Variants in RAPGEF6 observed in about 807,000 individuals in gnomAD.
RAPGEF6 encodes the protein Rap guanine nucleotide exchange factor 6.
Under a neutral mutation model 171.4 loss-of-function variants are expected in RAPGEF6, and 56 were observed. The ratio of observed to expected loss-of-function variants is 0.33; its 90% CI spans 0.26 to 0.41. The LOEUF is 0.41. Among genes scored for constraint, RAPGEF6 ranks in the 10% least tolerant of loss-of-function variants. The pLI, the probability that RAPGEF6 is intolerant of heterozygous loss-of-function variation, is 1.00. For missense variants in RAPGEF6, 1,674 were observed against 1,921.4 expected (o/e 0.87, Z 2.41); for synonymous variants, 692 against 650.1 (o/e 1.06, Z -0.98).
chr5:131,467,477 AT>A (rs997275395), intron 17 of RAPGEF6, among the ~76,000 whole-genome samples: 28 of 152,346 alleles, frequency 1.8e-4, no homozygotes, highest in Non-Finnish European at 3.7e-4. Context: ...GTAAACCTCT[AT>A]TTTAGAATTA....
chr5:131,594,964 G>T (rs929762383), intron 3 of RAPGEF6, among the ~76,000 whole-genome samples: 1 of 152,188 alleles, frequency 6.6e-6, no homozygotes, highest in African/African-American at 2.4e-5. Context: ...CCATGTCTCA[G>T]ATGAGACTTT....
chr5:131,493,097 C>A (rs1201472745), intron 13 of RAPGEF6, among the ~76,000 whole-genome samples: 1 of 152,120 alleles, frequency 6.6e-6, no homozygotes, highest in Non-Finnish European at 1.5e-5. Context: ...CGGAGCCTCG[C>A]TCTGTCGCCC....
At chr5:131,614,213 C>T (rs891842435) in intron 1 of RAPGEF6, among the ~76,000 whole-genome samples, 2 of 125,650 alleles carry the variant, frequency 1.6e-5, no homozygotes, top group African/African-American at 3.1e-5. Context: ...ACCTGAGGGG[C>T]GGAGGTTGCA....
rs150067662 is a variant in RAPGEF6 at position 131,446,664 on chromosome 5, A to G, written c.3240T>C (p.Asp1080=). 1.1e-3 allele frequency: 1,719 copies of G among 1,614,212 alleles called. 1 individual carries two copies. Among genetic ancestry groups the G allele is most frequent in the Non-Finnish European group, 1.4e-3 (1,626 of 1,180,000 alleles). ...SQGSTNSNML[D]VQGGAHKKRA... ...TTTTTTTGTGAGCACCTCCCTGAAC[A>G]TCCAGCATGTTTGAATTTGTGCTTC... Residue 1080 remains aspartate, a synonymous_variant, in exon 22 of 28, where the codon GAT becomes GAC. Coordinates refer to ENST00000509018, the MANE Select transcript of RAPGEF6 (RefSeq NM_016340.6).
rs1751678078 is a variant in RAPGEF6, at chr5:131,431,154, A to C, written c.4170T>G (p.Ser1390=). Residue 1390 remains serine (S), a synonymous_variant, in exon 26 of 28, where the codon TCT becomes TCG. Coordinates refer to ENST00000509018, the MANE Select transcript of RAPGEF6 (RefSeq NM_016340.6). ...GGTCATCCAAATGGGTATGTCTGTA[A>C]GAGTTCAAAAAATCCCAGCTTTTTG... ...PNPKSWDFLN[S]YRHTHLDDPI... The C allele has an allele frequency of 6.2e-7, 1 of 1,614,090 alleles. No individual in the cohort carries two copies. The highest frequency in any genetic ancestry group is 1.3e-5 in the African/African-American group (1 of 74,930).
chr5:131,431,771 G>C (rs928811427), intron 25 of RAPGEF6, among the ~76,000 whole-genome samples: 1 of 151,814 alleles, frequency 6.6e-6, no homozygotes, highest in Admixed American at 6.6e-5. Flanking sequence ...ATGGACCAGA[G>C]GTATGCCTGG....
At chr5:131,491,539 A>G (rs888385467) in intron 14 of RAPGEF6, among the ~76,000 whole-genome samples, 6 of 152,118 alleles carry the variant, frequency 3.9e-5, no homozygotes, top group African/African-American at 9.7e-5. Flanking sequence ...GGGGTCCCCA[A>G]CCACCAGGAC....
At chr5:131,457,677 C>T (rs572765127) in intron 19 of RAPGEF6, among the ~76,000 whole-genome samples, 4 of 152,066 alleles carry the variant, frequency 2.6e-5, no homozygotes, top group African/African-American at 4.8e-5. Context: ...GATGTGAAAC[C>T]TGCTAATGCT....
intron 3 of RAPGEF6, among the ~76,000 whole-genome samples, chr5:131,592,853 G>A (rs981663429): frequency 6.6e-6 from 1 of 152,148 alleles, no homozygotes; most frequent in Non-Finnish European, 1.5e-5. Flanking sequence ...CAGAAGAATT[G>A]TATCACACTT....
Position 131,481,795 on chromosome 5 carries a change from T to C in RAPGEF6, c.1841-2042A>G, listed in dbSNP as rs949405872. The stretch of plus-strand genomic sequence containing the variant: ...TGCATATTCTTAGAATAGACTTAAA[T>C]GGCTTCAGCTGCATGAGCTGTGGAA... On this transcript the variant is annotated intron_variant, in intron 15 of 27. Transcript: ENST00000509018. Among the ~76,000 whole-genome samples the C allele has an allele frequency of 4.6e-5, 7 of 152,364 alleles. No individual in the cohort carries two copies. The East Asian group carries it at 1.3e-3, about 29-fold the overall frequency.
In RAPGEF6 at chr5:131,467,658, A is replaced by C. The variant is rs561405306; in HGVS notation, c.2240-3377T>G. 1.4e-4 allele frequency among the ~76,000 whole-genome samples: 21 copies of C among 152,382 alleles called. No individual in the cohort carries two copies. In the East Asian group the frequency reaches 3.9e-3, roughly 28 times the overall value. On this transcript the variant is annotated intron_variant, in intron 17 of 27. Transcript: ENST00000509018. ...TGAATCAAAAGGGAAAAAATGATCC[A>C]ATCATTTCAAATTTTAGGCACAAAT...
intron 1 of RAPGEF6, among the ~76,000 whole-genome samples, chr5:131,608,819 T>C (rs991767782): frequency 6.6e-6 from 1 of 152,072 alleles, no homozygotes. Context: ...TGATCTCTTT[T>C]TTTTTTCGCA....
At chr5:131,527,786 C>T (rs541740412) in intron 6 of RAPGEF6, among the ~76,000 whole-genome samples, 5 of 151,876 alleles carry the variant, frequency 3.3e-5, no homozygotes, top group South Asian at 2.1e-4. Context: ...GAGGCCGAGG[C>T]GGGCGGATCA....
At chr5:131,503,641 G>A (rs533631076) in intron 11 of RAPGEF6, among the ~76,000 whole-genome samples, 2 of 152,216 alleles carry the variant, frequency 1.3e-5, no homozygotes, top group Admixed American at 6.5e-5. Context: ...CAATAATTTC[G>A]CCAAGACTAG....
intron 4 of RAPGEF6, among the ~76,000 whole-genome samples, chr5:131,591,961 G>A (rs1219191234): frequency 2.6e-5 from 4 of 152,064 alleles, no homozygotes; most frequent in Admixed American, 2.0e-4. Context: ...AGGTTCAAGC[G>A]AGTCTCCTGC....
At chr5:131,634,373 G>A (rs1294800278) in intron 1 of RAPGEF6, among the ~76,000 whole-genome samples, 1 of 151,826 alleles carries the variant, frequency 6.6e-6, no homozygotes, top group Non-Finnish European at 1.5e-5. Flanking sequence ...CTGTTAACTC[G>A]ACACAGCAAA....
At chr5:131,633,364 A>G (rs577860639) in intron 1 of RAPGEF6, among the ~76,000 whole-genome samples, 30 of 151,904 alleles carry the variant, frequency 2.0e-4, no homozygotes, top group Non-Finnish European at 4.1e-4. Context: ...ATTTCAAAAT[A>G]AATAATTCTG....
At chr5:131,597,791 T>C (rs932758165) in intron 3 of RAPGEF6, among the ~76,000 whole-genome samples, 1 of 152,142 alleles carries the variant, frequency 6.6e-6, no homozygotes, top group Non-Finnish European at 1.5e-5. Context: ...GGTGTTCCAT[T>C]GCACAGTAGG....
intron 7 of RAPGEF6, among the ~76,000 whole-genome samples, chr5:131,510,940 G>A (rs1757675414): frequency 6.6e-6 from 1 of 152,162 alleles, no homozygotes; most frequent in Non-Finnish European, 1.5e-5. Flanking sequence ...GCTTAGTAGG[G>A]TAGGTAATCA....
Sources: gnomAD v4.1 joint callset for allele counts (sites outside exome capture counted in the v4.1 genomes callset) on GRCh38, gnomAD v4.1.1 for gene constraint, MANE v1.5 for transcripts, NCBI Gene and HGNC (gene_info 2026-07-23, HGNC 2026-07-21) for gene names.